Variants in DCAF6 observed in about 807,000 individuals in gnomAD.
The protein encoded by DCAF6 is DDB1 and CUL4 associated factor 6.
In DCAF6, 54 loss-of-function variants were observed where a neutral mutation model predicts 125.1. The observed-to-expected ratio is 0.43, with a 90% CI of 0.35 to 0.54. The LOEUF (loss-of-function observed/expected upper bound fraction) is 0.54, where lower values mean the gene tolerates loss of function less well. Ranked by LOEUF, DCAF6 falls within the 20% of genes least tolerant of loss-of-function variation. The probability of loss-of-function intolerance (pLI) is 0.01; values close to 1 mark genes in which losing one functional copy is unlikely to be tolerated. For synonymous variants in DCAF6, 371 were observed against 390.4 expected (o/e 0.95, Z 0.58); for missense variants, 934 against 1,161.7 (o/e 0.80, Z 2.85).
chr1:168,037,039 G>T (rs905004079), intron 12 of DCAF6, among the ~76,000 whole-genome samples: 17 of 151,184 alleles, frequency 1.1e-4, no homozygotes, highest in Non-Finnish European at 1.0e-4. Flanking sequence ...TGTATTTGAA[G>T]TCTTGTTAAT....
In DCAF6 at chr1:167,991,197, T is replaced by C. The variant is rs767925052; in HGVS notation, c.553-7T>C. 6.8e-6 allele frequency: 11 copies of C among 1,609,148 alleles called. No homozygotes were observed. The South Asian group carries it at 1.2e-4, about 18-fold the overall frequency. The stretch of plus-strand genomic sequence containing the variant: ...ATATGTAATTGGTATTATGTTATGT[T>C]TTGTAGGATATTTTAATTAACTGTC... On this transcript the variant is annotated splice_region_variant and splice_polypyrimidine_tract_variant and intron_variant, in intron 5 of 21. Coordinates refer to ENST00000367840, the MANE Select transcript of DCAF6 (RefSeq NM_001198956.2).
intron 8 of DCAF6, 76 bp downstream of exon 8, chr1:168,002,651 A>G: frequency 2.8e-6 from 3 of 1,089,266 alleles, no homozygotes; most frequent in East Asian, 2.6e-5. Context: ...TTTCTTCACT[A>G]TTATAAATTA....
At chr1:168,064,855 T>G (rs1409134039) in intron 18 of DCAF6, among the ~76,000 whole-genome samples, 1 of 152,228 alleles carries the variant, frequency 6.6e-6, no homozygotes, top group Non-Finnish European at 1.5e-5. Flanking sequence ...GTGCATTCAT[T>G]TAAAAATGTC....
chr1:167,885,447 G>T, the DCAF6 span, among the ~76,000 whole-genome samples: 2 of 152,034 alleles, frequency 1.3e-5, no homozygotes, highest in Non-Finnish European at 2.9e-5. Flanking sequence ...CCTGTCCAGC[G>T]TTTGTTATTG....
the DCAF6 span, among the ~76,000 whole-genome samples, chr1:167,912,813 A>T: frequency 6.6e-6 from 1 of 152,204 alleles, no homozygotes; most frequent in African/African-American, 2.4e-5. Flanking sequence ...AATTCTACAT[A>T]GGTTGCCTCA....
chr1:168,021,134 G>A (rs1685620652), intron 11 of DCAF6, among the ~76,000 whole-genome samples: 1 of 151,962 alleles, frequency 6.6e-6, no homozygotes, highest in African/African-American at 2.4e-5. Context: ...TTTTCCCCGT[G>A]ACTTATTCTT....
the DCAF6 span, among the ~76,000 whole-genome samples, chr1:167,877,974 T>C: frequency 3.9e-5 from 6 of 152,192 alleles, no homozygotes; most frequent in Admixed American, 1.3e-4. Context: ...CTGAAAGCCA[T>C]TGAAGGATTT....
At chr1:167,938,272 T>TTG (rs67172910) in intron 1 of DCAF6, among the ~76,000 whole-genome samples, 2 of 151,680 alleles carry the variant, frequency 1.3e-5, no homozygotes, top group African/African-American at 2.4e-5. Flanking sequence ...GTGTGTGTGT[T>TTG]TGTGTGTGTA....
At chr1:168,003,772 T>C in intron 8 of DCAF6, 98 bp from the exon 9 acceptor site, 1 of 1,093,122 alleles carries the variant, frequency 9.1e-7, no homozygotes, top group Non-Finnish European at 1.3e-6. Context: ...TTTTTAAAAA[T>C]ATGCTTTCAT....
intron 7 of DCAF6, among the ~76,000 whole-genome samples, chr1:168,001,001 A>G (rs1557957097): frequency 6.6e-6 from 1 of 152,190 alleles, no homozygotes; most frequent in Non-Finnish European, 1.5e-5. Flanking sequence ...ATATTTCAAT[A>G]CAAAAATGTT....
chr1:167,973,267 C>T (rs1243972909), intron 3 of DCAF6, among the ~76,000 whole-genome samples: 2 of 152,166 alleles, frequency 1.3e-5, no homozygotes, highest in Admixed American at 1.3e-4. Flanking sequence ...TCAGATTAAA[C>T]ATTTTTGGTG....
intron 4 of DCAF6, among the ~76,000 whole-genome samples, chr1:167,985,305 G>C (rs1679840392): frequency 6.6e-6 from 1 of 152,104 alleles, no homozygotes; most frequent in Non-Finnish European, 1.5e-5. Flanking sequence ...TCAGAAGTCT[G>C]AAATAAGGTG....
chr1:167,867,941 C>T, the DCAF6 span, among the ~76,000 whole-genome samples: 28 of 152,212 alleles, frequency 1.8e-4, no homozygotes, highest in South Asian at 4.1e-3. Context: ...CCCTCCTGTA[C>T]GAGTGGAAGC....
the DCAF6 span, chr1:167,904,487 G>A: frequency 4.5e-6 from 1 of 220,140 alleles, no homozygotes; most frequent in African/African-American, 2.3e-5. Flanking sequence ...TAGGGGTCAG[G>A]AAAAGGCTCC....
intron 17 of DCAF6, among the ~76,000 whole-genome samples, chr1:168,051,271 TTTGA>T (rs1689899663): frequency 6.6e-6 from 1 of 152,380 alleles, no homozygotes; most frequent in South Asian, 2.1e-4. Context: ...GTTTTTTAAA[TTTGA>T]TTGGGATAAC....
Position 168,015,912 on chromosome 1 carries a change from T to C in DCAF6, c.1510T>C (p.Ser504Pro). The C allele has an allele frequency of 6.5e-7, 1 of 1,538,538 alleles. No homozygotes were observed. The highest frequency in any genetic ancestry group is 8.8e-7 in the Non-Finnish European group (1 of 1,140,926). Residue 504 changes from serine to proline, a missense_variant, in exon 11 of 22, where the codon TCT (serine) becomes CCT (proline). This residue lies in a region of DCAF6 where 559 missense variants were observed against 635.5 expected (regional missense o/e 0.88). Coordinates refer to ENST00000367840, the MANE Select transcript of DCAF6 (RefSeq NM_001198956.2). ...TQQQPSTSDQSSHEGSSQDPH... is the reference protein window; with the variant it reads ...TQQQPSTSDQPSHEGSSQDPH... ...GCAACAGCCTTCCACTTCTGATCAG[T>C]CTTCTCATGAGGGCTCTTCACAGGA...
chr1:167,929,568 A>C, the DCAF6 span, among the ~76,000 whole-genome samples: 1 of 152,326 alleles, frequency 6.6e-6, no homozygotes, highest in East Asian at 1.9e-4. Context: ...CAAATAAACA[A>C]ATTTAGTTGC....
chr1:167,964,990 G>A (rs1676177859), intron 2 of DCAF6, among the ~76,000 whole-genome samples: 1 of 152,120 alleles, frequency 6.6e-6, no homozygotes, highest in Non-Finnish European at 1.5e-5. Flanking sequence ...AATCATAGTT[G>A]TTTCGGATTC....
the DCAF6 span, among the ~76,000 whole-genome samples, chr1:167,909,251 G>A: frequency 6.6e-5 from 10 of 152,092 alleles, no homozygotes; most frequent in Non-Finnish European, 1.5e-4. Flanking sequence ...ATCACCTGAT[G>A]GAATATACCA....
Sources: allele counts gnomAD v4.1 joint callset (sites outside exome capture counted in the v4.1 genomes callset), GRCh38; gene constraint gnomAD v4.1.1; regional missense constraint gnomAD v4.1.1; transcripts MANE v1.5; gene names NCBI Gene and HGNC (gene_info 2026-07-23, HGNC 2026-07-21).